Variants in RNGTT observed in about 807,000 individuals in gnomAD.
RNGTT encodes mRNA-capping enzyme.
A neutral mutation model predicts 79.3 loss-of-function variants in RNGTT; 33 were observed. The ratio of observed to expected loss-of-function variants is 0.42; its 90% CI spans 0.32 to 0.56. RNGTT has a LOEUF of 0.56. Ranked by LOEUF, RNGTT falls within the 20% of genes least tolerant of loss-of-function variation. RNGTT has a pLI of 0.17. For synonymous variants in RNGTT, 222 were observed against 235.9 expected (o/e 0.94, Z 0.54); for missense variants, 497 against 739.1 (o/e 0.67, Z 3.80).
chr6:88,650,416 T>C (rs1773753271), intron 14 of RNGTT, among the ~76,000 whole-genome samples: 1 of 152,180 alleles, frequency 6.6e-6, no homozygotes, highest in South Asian at 2.1e-4. Flanking sequence ...CTCCCTGCAA[T>C]TCTGCTACAA....
intron 8 of RNGTT, among the ~76,000 whole-genome samples, chr6:88,881,055 G>A (rs1782681064): frequency 6.6e-6 from 1 of 151,990 alleles, no homozygotes; most frequent in Admixed American, 6.6e-5. Flanking sequence ...CCCCCCTCCT[G>A]GGGAAAGCCA....
chr6:88,849,366 A>G (rs1309158454), intron 10 of RNGTT, among the ~76,000 whole-genome samples: 1 of 152,042 alleles, frequency 6.6e-6, no homozygotes, highest in African/African-American at 2.4e-5. Context: ...GCAATTTATT[A>G]CCCATTCAAC....
intron 12 of RNGTT, among the ~76,000 whole-genome samples, chr6:88,778,846 C>A (rs1047950617): frequency 6.6e-6 from 1 of 152,034 alleles, no homozygotes; most frequent in African/African-American, 2.4e-5. Flanking sequence ...ATTATTTTCC[C>A]TCAAGTTTTG....
chr6:88,871,486 T>C (rs4357107), intron 8 of RNGTT, among the ~76,000 whole-genome samples: 32,551 of 152,108 alleles, frequency 0.21, 4,120 homozygotes, highest in African/African-American at 0.34. Flanking sequence ...TAGACTTATA[T>C]GTTACAACAA....
intron 12 of RNGTT, among the ~76,000 whole-genome samples, chr6:88,791,038 T>C (rs1377266623): frequency 1.3e-5 from 2 of 151,734 alleles, no homozygotes; most frequent in Admixed American, 1.3e-4. Flanking sequence ...TTACATTATA[T>C]GGCAAAAGAG....
At chr6:88,880,847 C>T (rs940586856) in intron 8 of RNGTT, among the ~76,000 whole-genome samples, 2 of 152,112 alleles carry the variant, frequency 1.3e-5, no homozygotes, top group African/African-American at 4.8e-5. Flanking sequence ...ATTTTGAAGA[C>T]AATTTATTTA....
intron 13 of RNGTT, among the ~76,000 whole-genome samples, chr6:88,724,236 C>CCACT (rs1417829322): frequency 9.8e-5 from 15 of 152,314 alleles, no homozygotes; most frequent in African/African-American, 3.6e-4. Context: ...CACTCACTCA[C>CCACT]CACTCACTGA....
chr6:88,729,617 C>T (rs915694187), intron 13 of RNGTT, among the ~76,000 whole-genome samples: 2 of 152,106 alleles, frequency 1.3e-5, no homozygotes, highest in Admixed American at 6.5e-5. Flanking sequence ...TTATTAACTA[C>T]ACTAGAGATG....
chr6:88,674,101 T>C (rs1408509449), intron 14 of RNGTT, among the ~76,000 whole-genome samples: 1 of 152,160 alleles, frequency 6.6e-6, no homozygotes, highest in Non-Finnish European at 1.5e-5. Context: ...TACTTGTCAT[T>C]ATTTAAGGAA....
intron 14 of RNGTT, among the ~76,000 whole-genome samples, chr6:88,672,475 G>C (rs111851545): frequency 6.6e-6 from 1 of 152,060 alleles, no homozygotes; most frequent in Non-Finnish European, 1.5e-5. Context: ...AACACTGTAT[G>C]TTCTCACTCA....
At chr6:88,761,764 CAAACCCT>C (rs1778266647) in intron 13 of RNGTT, among the ~76,000 whole-genome samples, 1 of 152,130 alleles carries the variant, frequency 6.6e-6, no homozygotes. Flanking sequence ...ACATAGGCAA[CAAACCCT>C]AAAATATTGA....
chr6:88,619,980 C>T (rs962950193), intron 14 of RNGTT, among the ~76,000 whole-genome samples: 1 of 152,130 alleles, frequency 6.6e-6, no homozygotes, highest in South Asian at 2.1e-4. Context: ...AGGGCCATGA[C>T]GTATTATTAC....
intron 1 of RNGTT, among the ~76,000 whole-genome samples, chr6:88,952,713 T>C (rs1027433333): frequency 6.6e-6 from 1 of 152,210 alleles, no homozygotes; most frequent in Non-Finnish European, 1.5e-5. Flanking sequence ...CAGAGTCTAC[T>C]TACTGCCCTG....
At position 88,849,803 on chromosome 6, in the gene RNGTT, A is replaced by C; in HGVS notation, c.1056T>G (p.Asn352Lys). ...TCAAATATCTAGGAACAGCCTGTCC[A>C]TTTACTCTGTCAATAATCATCTCCT... is the stretch of plus-strand genomic sequence containing the variant. ...LDGEMIIDRV[N>K]GQAVPRYLIY... Residue 352 changes from asparagine (N) to lysine (K), a missense_variant, in exon 10 of 16, where the codon AAT becomes AAG. This residue lies in a region of RNGTT where 440 missense variants were observed against 671.5 expected (regional missense o/e 0.66). Transcript: ENST00000369485. 1 of 1,571,718 alleles carries C rather than the reference A, an allele frequency of 6.4e-7. No homozygotes were observed. The highest frequency in any genetic ancestry group is 8.6e-7 in the Non-Finnish European group (1 of 1,160,166).
chr6:88,889,274 T>C (rs907281807), intron 8 of RNGTT, among the ~76,000 whole-genome samples: 2 of 152,252 alleles, frequency 1.3e-5, no homozygotes, highest in East Asian at 3.9e-4. Context: ...TTAAAATGAA[T>C]GAAAATATTT....
intron 8 of RNGTT, among the ~76,000 whole-genome samples, chr6:88,882,052 AG>A (rs1385969185): frequency 1.3e-5 from 2 of 152,108 alleles, no homozygotes; most frequent in Non-Finnish European, 2.9e-5. Context: ...TCTACTCAAC[AG>A]CCTGTCCACA....
At chr6:88,717,300 G>A (rs1776552695) in intron 13 of RNGTT, among the ~76,000 whole-genome samples, 1 of 152,186 alleles carries the variant, frequency 6.6e-6, no homozygotes, top group Non-Finnish European at 1.5e-5. Context: ...TGTAGAAATT[G>A]TTGATTTGAA....
rs1345452626 is a variant in RNGTT, at chr6:88,904,891, A to T, written c.508T>A (p.Leu170Met). The T allele has an allele frequency of 6.2e-7, 1 of 1,614,112 alleles. No homozygotes were observed. The highest frequency in any genetic ancestry group is 2.2e-5 in the East Asian group (1 of 44,868). The change falls in exon 6 of 16, where the codon TTG becomes ATG. Residue 170 changes from leucine (L) to methionine (M), a missense_variant. Coordinates refer to ENST00000369485, the MANE Select transcript of RNGTT (RefSeq NM_003800.5). ...RPPGIYKGDY[L>M]KELFRRYGDI... ...CCATACCGACGAAAAAGTTCCTTCAAATAATCACCCTTGTAGATTCCTGGT... is the reference window on the plus strand; with the variant it reads ...CCATACCGACGAAAAAGTTCCTTCATATAATCACCCTTGTAGATTCCTGGT...
At chr6:88,785,419 T>C (rs1779197010) in intron 12 of RNGTT, among the ~76,000 whole-genome samples, 1 of 152,034 alleles carries the variant, frequency 6.6e-6, no homozygotes, top group African/African-American at 2.4e-5. Flanking sequence ...AACTTGAAAA[T>C]GATGTTTTGC....
Sources: gnomAD v4.1 joint callset for allele counts (sites outside exome capture counted in the v4.1 genomes callset) on GRCh38, gnomAD v4.1.1 for gene constraint, gnomAD v4.1.1 regional missense constraint, MANE v1.5 for transcripts, NCBI Gene and HGNC (gene_info 2026-07-23, HGNC 2026-07-21) for gene names.